IGF2BP2: variants seen among roughly 807,000 people sequenced by gnomAD.
IGF2BP2 encodes insulin like growth factor 2 mRNA binding protein 2, also known as insulin-like growth factor 2 mRNA-binding protein 2.
A neutral mutation model predicts 75.8 loss-of-function variants in IGF2BP2; 17 were observed. The ratio of observed to expected loss-of-function variants is 0.22; its 90% confidence interval spans 0.15 to 0.34. The LOEUF (loss-of-function observed/expected upper bound fraction) is 0.34, where lower values mean the gene tolerates loss of function less well. Ranked by LOEUF, IGF2BP2 falls within the 10% of genes least tolerant of loss-of-function variation. The pLI is 1.00. For missense variants in IGF2BP2, 516 were observed against 772.4 expected (o/e 0.67, Z 3.93); for synonymous variants, 288 against 295.6 (o/e 0.97, Z 0.26).
intron 2 of IGF2BP2, among the ~76,000 whole-genome samples, chr3:185,810,876 T>C (rs969649042): frequency 6.6e-6 from 1 of 152,146 alleles, no homozygotes; most frequent in Non-Finnish European, 1.5e-5. Flanking sequence ...GAGAATCAAA[T>C]TTTCTTAGAA....
intron 2 of IGF2BP2, among the ~76,000 whole-genome samples, chr3:185,710,696 C>T (rs1368655975): frequency 6.6e-6 from 1 of 151,844 alleles, no homozygotes; most frequent in African/African-American, 2.4e-5. Context: ...TCGCGCCACT[C>T]CACTCAAGCC....
At chr3:185,784,941 A>G (rs1449024700) in intron 2 of IGF2BP2, among the ~76,000 whole-genome samples, 1 of 152,202 alleles carries the variant, frequency 6.6e-6, no homozygotes, top group Non-Finnish European at 1.5e-5. Context: ...CAAAATTTAT[A>G]TATTCTAAAT....
intron 2 of IGF2BP2, among the ~76,000 whole-genome samples, chr3:185,731,854 T>C (rs1578134265): frequency 6.6e-6 from 1 of 151,692 alleles, no homozygotes; most frequent in Non-Finnish European, 1.5e-5. Flanking sequence ...TCGGGGCGGG[T>C]GCCTGTAGTC....
chr3:185,745,543 G>T (rs1484051311), intron 2 of IGF2BP2, among the ~76,000 whole-genome samples: 1 of 152,270 alleles, frequency 6.6e-6, no homozygotes, highest in Non-Finnish European at 1.5e-5. Context: ...AAACCAGTGG[G>T]AAATGCTGCC....
intron 2 of IGF2BP2, among the ~76,000 whole-genome samples, chr3:185,760,313 C>T (rs1427913802): frequency 6.6e-6 from 1 of 152,122 alleles, no homozygotes; most frequent in East Asian, 1.9e-4. Context: ...GAATATTAGA[C>T]TCATCAGTTT....
intron 2 of IGF2BP2, among the ~76,000 whole-genome samples, chr3:185,713,074 ATG>A (rs201252245): frequency 0.018 from 2,527 of 144,036 alleles, 20 homozygotes; most frequent in Non-Finnish European, 0.019. Flanking sequence ...ACAGATATGT[ATG>A]TGTGTGTGTG....
At chr3:185,670,012 AAGG>A (rs1718278316) in intron 10 of IGF2BP2, among the ~76,000 whole-genome samples, 1 of 152,198 alleles carries the variant, frequency 6.6e-6, no homozygotes, top group Non-Finnish European at 1.5e-5. Context: ...CAGCTGCATG[AAGG>A]AGATGTCTGC....
At chr3:185,713,192 T>C (rs1339700840) in intron 2 of IGF2BP2, 1 of 347,980 alleles carries the variant, frequency 2.9e-6, no homozygotes, top group African/African-American at 2.1e-5. Flanking sequence ...ACCACTGTCA[T>C]AAACCACCAG....
intron 10 of IGF2BP2, among the ~76,000 whole-genome samples, chr3:185,664,033 C>T (rs1195636643): frequency 2.0e-5 from 3 of 152,164 alleles, no homozygotes; most frequent in Non-Finnish European, 4.4e-5. Flanking sequence ...TAGGAAGGGG[C>T]GACGACTTGG....
intron 2 of IGF2BP2, among the ~76,000 whole-genome samples, chr3:185,771,250 G>A (rs546667307): frequency 6.6e-6 from 1 of 152,162 alleles, no homozygotes; most frequent in African/African-American, 2.4e-5. Flanking sequence ...GACCAGCCTG[G>A]CCAAGATGGT....
intron 2 of IGF2BP2, among the ~76,000 whole-genome samples, chr3:185,701,367 T>TAAAA (rs558141080): frequency 9.4e-5 from 11 of 116,890 alleles, no homozygotes; most frequent in East Asian, 5.8e-4. Context: ...ACCTGCTAAG[T>TAAAA]AAAAAAAAAA....
intron 6 of IGF2BP2, 125 bp from the exon 7 acceptor site, chr3:185,687,316 G>A (rs529539533): frequency 1.2e-5 from 12 of 966,216 alleles, no homozygotes; most frequent in African/African-American, 1.6e-5. Flanking sequence ...TCATCAGCAC[G>A]TTTGCAATCA....
At chr3:185,711,010 T>G (rs911511874) in intron 2 of IGF2BP2, among the ~76,000 whole-genome samples, 9 of 152,126 alleles carry the variant, frequency 5.9e-5, no homozygotes, top group African/African-American at 2.2e-4. Context: ...CAATAAAAAC[T>G]ACTTTTTAAA....
At chr3:185,698,512 GT>G (rs139257704) in intron 2 of IGF2BP2, among the ~76,000 whole-genome samples, 165 bp from the exon 3 acceptor site, 2 of 151,780 alleles carry the variant, frequency 1.3e-5, no homozygotes, top group African/African-American at 4.8e-5. Flanking sequence ...TTTTTTTGTT[GT>G]TTTTTTTCGA....
intron 2 of IGF2BP2, among the ~76,000 whole-genome samples, chr3:185,762,572 A>T (rs1425672458): frequency 6.6e-6 from 1 of 151,730 alleles, no homozygotes; most frequent in African/African-American, 2.4e-5. Flanking sequence ...AAAGAGACAC[A>T]AATTTGGGAA....
At chr3:185,823,397 C>CG in intron 1 of IGF2BP2, 184 bp from the exon 2 acceptor site, 1 of 485,686 alleles carries the variant, frequency 2.1e-6, no homozygotes, top group South Asian at 3.9e-5. Context: ...CCCCGTGTCT[C>CG]GGGACAAGGC....
chr3:185,691,247 C>G (rs1211793659), intron 5 of IGF2BP2, among the ~76,000 whole-genome samples: 1 of 151,368 alleles, frequency 6.6e-6, no homozygotes, highest in Non-Finnish European at 1.5e-5. Context: ...TACAGGCATG[C>G]GCCACCACGC....
At position 185,707,996 on chromosome 3, in the gene IGF2BP2, C is replaced by T. The variant is rs565568596; in HGVS notation, c.240-9649G>A. Among the ~76,000 whole-genome samples the T allele has an allele frequency of 2.0e-5, 3 of 152,316 alleles. No individual in the cohort carries two copies. The East Asian group carries it at 5.8e-4, about 29-fold the overall frequency. On this transcript the variant is annotated intron_variant, in intron 2 of 15. Transcript: ENST00000382199. ...GTTTCTGAGGTAAACCCAAAACATT[C>T]TTCACAGCGTGTTTGGCATGAAGGT...
At chr3:185,777,671 T>C (rs1734692398) in intron 2 of IGF2BP2, among the ~76,000 whole-genome samples, 1 of 152,206 alleles carries the variant, frequency 6.6e-6, no homozygotes, top group Admixed American at 6.5e-5. Context: ...GTCATAATGG[T>C]GGTGGGTTAA....
Sources: gnomAD v4.1 joint callset for allele counts (sites outside exome capture counted in the v4.1 genomes callset) on GRCh38, gnomAD v4.1.1 for gene constraint, MANE v1.5 for transcripts, NCBI Gene and HGNC (gene_info 2026-07-23, HGNC 2026-07-21) for gene names.